The following PRKCA variants were observed in gnomAD, a reference collection of about 807,000 sequenced individuals.
PRKCA encodes protein kinase C alpha.
In PRKCA, 27 loss-of-function variants were observed where a neutral mutation model predicts 87.0. That is an observed-to-expected ratio of 0.31 (90% CI 0.23 to 0.43). PRKCA has a LOEUF of 0.43. Among genes scored for constraint, PRKCA ranks in the 20% least tolerant of loss-of-function variants. The pLI, the probability that PRKCA is intolerant of heterozygous loss-of-function variation, is 1.00. For synonymous variants in PRKCA, 329 were observed against 311.1 expected (o/e 1.06, Z -0.61); for missense variants, 518 against 852.3 (o/e 0.61, Z 4.88).
chr17:66,532,211 C>T (rs1007825179), intron 3 of PRKCA, among the ~76,000 whole-genome samples: 3 of 151,484 alleles, frequency 2.0e-5, no homozygotes, highest in African/African-American at 7.3e-5. Flanking sequence ...ACCATCTTTG[C>T]TCAGAGGGAA....
At chr17:66,634,297 C>G (rs1316917435) in intron 3 of PRKCA, among the ~76,000 whole-genome samples, 1 of 152,120 alleles carries the variant, frequency 6.6e-6, no homozygotes, top group African/African-American at 2.4e-5. Context: ...TCATTTTTTT[C>G]TCCCAACCAC....
chr17:66,612,782 C>T (rs1970405934), intron 3 of PRKCA, among the ~76,000 whole-genome samples: 1 of 151,320 alleles, frequency 6.6e-6, no homozygotes, highest in South Asian at 2.1e-4. Flanking sequence ...AGATAAGTAC[C>T]TCATTTGTGG....
At chr17:66,545,435 A>G (rs902460829) in intron 3 of PRKCA, among the ~76,000 whole-genome samples, 1 of 152,188 alleles carries the variant, frequency 6.6e-6, no homozygotes, top group African/African-American at 2.4e-5. Context: ...TCTCAAAAAA[A>G]CAGATAATTT....
At position 66,473,962 on chromosome 17, in the gene PRKCA, A is replaced by G. The variant is rs1273279842; in HGVS notation, c.206-22239A>G. On this transcript the variant is annotated intron_variant, in intron 2 of 16. Transcript: ENST00000413366. The stretch of plus-strand genomic sequence containing the variant: ...TCTCAAAAAAAAACAAAAAAGCTCA[A>G]GCCAGACCGTCAGGATTCAAGCTCA... Among the ~76,000 whole-genome samples, 6 of 152,168 alleles carry G rather than the reference A, an allele frequency of 3.9e-5. 1 individual carries two copies. The highest frequency in any genetic ancestry group is 1.4e-4 in the African/African-American group (6 of 41,444).
chr17:66,800,878 G>A (rs1400577974), intron 16 of PRKCA, among the ~76,000 whole-genome samples: 4 of 152,156 alleles, frequency 2.6e-5, no homozygotes, highest in African/African-American at 9.7e-5. Context: ...ATTTTTTCCA[G>A]AAATTCCTTC....
At position 66,689,159 on chromosome 17, in the gene PRKCA, G is replaced by A; in HGVS notation, c.918+112G>A. On this transcript the variant is annotated intron_variant, in intron 8 of 16. Coordinates refer to ENST00000413366, the MANE Select transcript of PRKCA (RefSeq NM_002737.3). This position sits in a 1 kb window ranked among gnomAD's most constrained non-coding sequence, Gnocchi z 4.1. ...AAAGCAAAAAAAAAGTAATCTCAAT[G>A]TTAATGATCTTTTTCTTTATTTAAA... The A allele has an allele frequency of 1.6e-6, 1 of 608,994 alleles. No individual in the cohort carries two copies. Among genetic ancestry groups the A allele is most frequent in the Non-Finnish European group, 2.8e-6 (1 of 354,546 alleles). The allele number at this position is 608,994 out of a possible 1,614,324, so 37.7% of individuals were successfully genotyped here.
intron 2 of PRKCA, among the ~76,000 whole-genome samples, chr17:66,456,840 G>C (rs1219920599): frequency 3.3e-5 from 5 of 152,200 alleles, no homozygotes; most frequent in African/African-American, 1.2e-4. Context: ...ACTAGCCTTG[G>C]AGGAACAGCT....
At chr17:66,324,447 C>CAAAAAAAAA (rs61047065) in intron 2 of PRKCA, among the ~76,000 whole-genome samples, 8 of 90,628 alleles carry the variant, frequency 8.8e-5, no homozygotes, top group African/African-American at 1.7e-4. Flanking sequence ...ACTAAAAATA[C>CAAAAAAAAA]AAAAAAAAAA....
intron 3 of PRKCA, among the ~76,000 whole-genome samples, chr17:66,538,078 G>A (rs1967850188): frequency 6.6e-6 from 1 of 152,136 alleles, no homozygotes; most frequent in Admixed American, 6.5e-5. Flanking sequence ...TAGAATTACA[G>A]GCGTGAGCCA....
chr17:66,338,673 G>A (rs1340036186), intron 2 of PRKCA, among the ~76,000 whole-genome samples: 1 of 152,126 alleles, frequency 6.6e-6, no homozygotes, highest in African/African-American at 2.4e-5. Context: ...AGATTCTGCA[G>A]CTGAATCTGG....
chr17:66,793,751 A>T (rs937790898), intron 16 of PRKCA, among the ~76,000 whole-genome samples: 35 of 152,246 alleles, frequency 2.3e-4, no homozygotes, highest in African/African-American at 8.2e-4. Flanking sequence ...GTGAGCGTGG[A>T]GGCACTGTGG....
rs925778835 is a variant in PRKCA at position 66,689,944 on chromosome 17, G to A, written c.918+897G>A. The stretch of plus-strand genomic sequence containing the variant: ...GCTCTAGAGCAGTACACGTGCACAC[G>A]CACACATGTGTGTAGATGCTGAACT... On this transcript the variant is annotated intron_variant, in intron 8 of 16. Coordinates refer to ENST00000413366, the MANE Select transcript of PRKCA (RefSeq NM_002737.3). This position sits in a 1 kb window ranked among gnomAD's most constrained non-coding sequence, Gnocchi z 4.1. 2.6e-5 allele frequency among the ~76,000 whole-genome samples: 4 copies of A among 152,108 alleles called. No homozygotes were observed. The highest frequency in any genetic ancestry group is 1.9e-4 in the East Asian group (1 of 5,186).
At position 66,453,441 on chromosome 17, in the gene PRKCA, C is replaced by T. The variant is rs1022064034; in HGVS notation, c.206-42760C>T. Among the ~76,000 whole-genome samples, 14 of 152,018 alleles carry T rather than the reference C, an allele frequency of 9.2e-5. 1 individual carries two copies. Among genetic ancestry groups the T allele is most frequent in the Admixed American group, 6.6e-5 (1 of 15,266 alleles). ...CAAGCGATTCTCCTGCCTCAGCCTC[C>T]TAAGTAGCTGAGATTACAGGCGCCC... On this transcript the variant is annotated intron_variant, in intron 2 of 16. Coordinates refer to ENST00000413366, the MANE Select transcript of PRKCA (RefSeq NM_002737.3).
chr17:66,330,373 C>T (rs903131764), intron 2 of PRKCA, among the ~76,000 whole-genome samples: 1 of 152,176 alleles, frequency 6.6e-6, no homozygotes, highest in African/African-American at 2.4e-5. Flanking sequence ...TCCCAAAGTG[C>T]TGGGATTACA....
Position 66,774,234 on chromosome 17 carries a change from C to T in PRKCA, c.1605+167C>T, listed in dbSNP as rs1035422313. The T allele has an allele frequency of 1.8e-5, 27 of 1,474,774 alleles. No homozygotes were observed. The African/African-American group carries it at 2.5e-4, about 14-fold the overall frequency. 91.4% of individuals were successfully genotyped at this position (1,474,774 alleles called of 1,614,324 possible). A position where few individuals can be genotyped will look rare whatever the true frequency, so the allele number is the denominator to read the frequency against. ...GAAACGCCCCCTTCAAAGTGGATCA[C>T]GTTCAGTATGCACAGAAATTATCTC... On this transcript the variant is annotated intron_variant, in intron 14 of 16. Coordinates refer to ENST00000413366, the MANE Select transcript of PRKCA (RefSeq NM_002737.3).
At chr17:66,744,659 C>T (rs1253746583) in intron 13 of PRKCA, among the ~76,000 whole-genome samples, 1 of 152,208 alleles carries the variant, frequency 6.6e-6, no homozygotes, top group Admixed American at 6.5e-5. Context: ...GGTTCGGTAT[C>T]ATTCACGGTA....
intron 2 of PRKCA, among the ~76,000 whole-genome samples, chr17:66,452,145 T>A (rs529657988): frequency 6.6e-6 from 1 of 152,200 alleles, no homozygotes; most frequent in South Asian, 2.1e-4. Context: ...ACCCTCCAAT[T>A]TGATTCACTG....
At chr17:66,594,018 G>C (rs1321262499) in intron 3 of PRKCA, among the ~76,000 whole-genome samples, 1 of 152,236 alleles carries the variant, frequency 6.6e-6, no homozygotes, top group Non-Finnish European at 1.5e-5. Context: ...CTGGGAAGCA[G>C]AGGTTGCAGT....
At chr17:66,631,863 G>C (rs1451299678) in intron 3 of PRKCA, among the ~76,000 whole-genome samples, 2 of 152,150 alleles carry the variant, frequency 1.3e-5, no homozygotes, top group African/African-American at 4.8e-5. Context: ...TTTGTTTAAA[G>C]TTGATTGATG....
Sources: allele counts gnomAD v4.1 joint callset (sites outside exome capture counted in the v4.1 genomes callset), GRCh38; gene constraint gnomAD v4.1.1; non-coding constraint Gnocchi (gnomAD v3.1); transcripts MANE v1.5; gene names NCBI Gene and HGNC (gene_info 2026-07-23, HGNC 2026-07-21).